The following CDIN1 variants were observed in gnomAD, a reference collection of about 807,000 sequenced individuals.
CDIN1 encodes CDAN1 interacting nuclease 1.
CDIN1 carries 33 observed loss-of-function variants against 45.3 expected under a neutral mutation model. The observed-to-expected ratio is 0.73, with a 90% CI of 0.55 to 0.97. The LOEUF is 0.97. Ranked by LOEUF, CDIN1 falls within the 50% of genes least tolerant of loss-of-function variation. The probability of loss-of-function intolerance (pLI) is 0.00; values close to 1 mark genes in which losing one functional copy is unlikely to be tolerated. For synonymous variants in CDIN1, 118 were observed against 124.4 expected (o/e 0.95, Z 0.34); for missense variants, 303 against 339.4 (o/e 0.89, Z 0.84).
intron 7 of CDIN1, among the ~76,000 whole-genome samples, chr15:36,696,790 A>G (rs1175115439): frequency 6.6e-6 from 1 of 152,050 alleles, no homozygotes; most frequent in Non-Finnish European, 1.5e-5. Flanking sequence ...TCCATTTACA[A>G]ATCTTTGTTT....
chr15:36,718,700 C>A (rs2043297330), intron 10 of CDIN1, among the ~76,000 whole-genome samples: 1 of 150,682 alleles, frequency 6.6e-6, no homozygotes, highest in African/African-American at 2.4e-5. Context: ...TTCTATACTG[C>A]AATAAAACCC....
chr15:36,795,781 C>T (rs1043141660), intron 10 of CDIN1, among the ~76,000 whole-genome samples: 16 of 152,042 alleles, frequency 1.1e-4, no homozygotes, highest in African/African-American at 3.9e-4. Flanking sequence ...TAGCTCACTG[C>T]AACCTCGAAC....
chr15:36,729,699 TGTG>T (rs2043771153), intron 10 of CDIN1, among the ~76,000 whole-genome samples: 2 of 152,210 alleles, frequency 1.3e-5, no homozygotes, highest in Non-Finnish European at 2.9e-5. Context: ...CTATGTGGGT[TGTG>T]GTGCTAGAAA....
intron 1 of CDIN1, among the ~76,000 whole-genome samples, chr15:36,614,816 T>G (rs1348957656): frequency 6.6e-6 from 1 of 152,236 alleles, no homozygotes; most frequent in African/African-American, 2.4e-5. Context: ...AATATATCTT[T>G]GGATAATGTT....
At chr15:36,696,291 C>T (rs1349804377) in intron 7 of CDIN1, 1 of 152,234 alleles carries the variant, frequency 6.6e-6, no homozygotes, top group Non-Finnish European at 1.5e-5. Flanking sequence ...TCTGTACCCA[C>T]ACCCTAATCC....
Position 36,681,149 on chromosome 15 carries a change from C to CAT in CDIN1, c.347-10526_347-10525dup, listed in dbSNP as rs146524837. ...AAAATCTAAACATTTTATATATTTG[C>CAT]ATATATATATAAACTGAGTAAATAA... On this transcript the variant is annotated intron_variant, in intron 5 of 10. Coordinates refer to ENST00000566621, the MANE Select transcript of CDIN1 (RefSeq NM_001321759.2). Among the ~76,000 whole-genome samples the CAT allele has an allele frequency of 1.8e-3, 266 of 151,676 alleles. 1 individual carries two copies. The highest frequency in any genetic ancestry group is 5.9e-3 in the African/African-American group (244 of 41,362).
chr15:36,669,056 G>A (rs1286680882), intron 5 of CDIN1: 1 of 152,034 alleles, frequency 6.6e-6, no homozygotes, highest in African/African-American at 2.4e-5. Context: ...TAATTTTAGA[G>A]ATCCTTTTCG....
intron 10 of CDIN1, among the ~76,000 whole-genome samples, chr15:36,771,876 A>C (rs4497640): frequency 0.84 from 127,194 of 150,586 alleles, 54,988 homozygotes; most frequent in East Asian, 0.95. Context: ...TGCAGTGAGC[A>C]GAGATGGCGC....
chr15:36,748,137 T>G (rs1010092314), intron 10 of CDIN1, among the ~76,000 whole-genome samples: 1 of 152,198 alleles, frequency 6.6e-6, no homozygotes, highest in African/African-American at 2.4e-5. Flanking sequence ...CTTTTCTTAC[T>G]CATCTGTAAA....
intron 5 of CDIN1, among the ~76,000 whole-genome samples, chr15:36,671,932 C>A (rs914345104): frequency 6.6e-6 from 1 of 152,032 alleles, no homozygotes; most frequent in African/African-American, 2.4e-5. Context: ...GTTTTGGTTT[C>A]TTCTAAGGGA....
At chr15:36,725,437 T>A (rs983740935) in intron 10 of CDIN1, among the ~76,000 whole-genome samples, 4 of 152,070 alleles carry the variant, frequency 2.6e-5, no homozygotes, top group Non-Finnish European at 5.9e-5. Flanking sequence ...AGATTGTTAA[T>A]AGCTGGAAAG....
At chr15:36,742,379 AT>A (rs141554120) in intron 10 of CDIN1, among the ~76,000 whole-genome samples, 5,735 of 151,752 alleles carry the variant, frequency 0.038, 377 homozygotes, top group African/African-American at 0.13. Flanking sequence ...ATGCAAAACA[AT>A]TTTTTTTTGT....
intron 10 of CDIN1, chr15:36,746,791 A>G: frequency 4.2e-6 from 1 of 235,772 alleles, no homozygotes. Context: ...ACAGGGTCTC[A>G]CTCTGTTGCC....
chr15:36,606,160 G>T (rs2038369691), intron 1 of CDIN1, among the ~76,000 whole-genome samples: 1 of 151,990 alleles, frequency 6.6e-6, no homozygotes, highest in Non-Finnish European at 1.5e-5. Flanking sequence ...ATCACGCATT[G>T]TGTAGTGTTA....
intron 10 of CDIN1, among the ~76,000 whole-genome samples, chr15:36,736,615 G>C (rs1054575615): frequency 6.6e-6 from 1 of 152,176 alleles, no homozygotes; most frequent in Non-Finnish European, 1.5e-5. Context: ...GTTGATGAGT[G>C]CCTGGGATGC....
chr15:36,717,200 C>A (rs1358370472), intron 10 of CDIN1, among the ~76,000 whole-genome samples: 1 of 152,258 alleles, frequency 6.6e-6, no homozygotes, highest in East Asian at 1.9e-4. Context: ...ACAGAATAAA[C>A]TCATATTTAA....
intron 7 of CDIN1, 70 bp from the exon 8 acceptor site, chr15:36,697,253 A>G (rs1182686942): frequency 3.0e-6 from 4 of 1,318,530 alleles, no homozygotes; most frequent in Admixed American, 1.7e-5. Flanking sequence ...CTCAAAGTAT[A>G]GACCTGGTAT....
chr15:36,762,742 G>T (rs1443795477), intron 10 of CDIN1, among the ~76,000 whole-genome samples: 1 of 152,044 alleles, frequency 6.6e-6, no homozygotes, highest in Non-Finnish European at 1.5e-5. Flanking sequence ...AACATGCGGT[G>T]TTTGGATATT....
chr15:36,749,520 T>G (rs961647397), intron 10 of CDIN1, among the ~76,000 whole-genome samples: 1 of 152,206 alleles, frequency 6.6e-6, no homozygotes, highest in African/African-American at 2.4e-5. Flanking sequence ...GTGGAAATTA[T>G]TCATCCTACA....
Sources: gnomAD v4.1 joint callset for allele counts (sites outside exome capture counted in the v4.1 genomes callset) on GRCh38, gnomAD v4.1.1 for gene constraint, MANE v1.5 for transcripts, NCBI Gene and HGNC (gene_info 2026-07-23, HGNC 2026-07-21) for gene names.